ZNF536: variants seen among roughly 807,000 people sequenced by gnomAD.
The protein encoded by ZNF536 is zinc finger protein 536.
ZNF536 carries 13 observed loss-of-function variants against 84.5 expected under a neutral mutation model. The ratio of observed to expected loss-of-function variants is 0.15; its 90% CI spans 0.10 to 0.24. ZNF536 has a LOEUF of 0.24. Among genes scored for constraint, ZNF536 ranks in the 10% least tolerant of loss-of-function variants. The pLI is 1.00. For synonymous variants in ZNF536, 811 were observed against 742.5 expected (o/e 1.09, Z -1.50); for missense variants, 1,536 against 1,747.5 (o/e 0.88, Z 2.16).
chr19:30,702,415 C>A (rs1299614607), intron 1 of ZNF536, among the ~76,000 whole-genome samples: 2 of 152,204 alleles, frequency 1.3e-5, no homozygotes, highest in East Asian at 3.9e-4. Flanking sequence ...ATGTTGATGG[C>A]CTCAAAGTGA....
At chr19:30,435,091 T>G (rs1471464912) in intron 1 of ZNF536, among the ~76,000 whole-genome samples, 2 of 145,550 alleles carry the variant, frequency 1.4e-5, no homozygotes, top group African/African-American at 5.2e-5. Context: ...ATGATGATGA[T>G]CATGATGGTG....
At chr19:30,348,203 T>C (rs1483496298) in intron 2 of ZNF536, among the ~76,000 whole-genome samples, 1 of 152,254 alleles carries the variant, frequency 6.6e-6, no homozygotes, top group African/African-American at 2.4e-5. Context: ...TATGCATTTG[T>C]TAGTTCCTTC....
chr19:30,336,982 G>A (rs752634153), intron 2 of ZNF536, among the ~76,000 whole-genome samples: 7 of 152,060 alleles, frequency 4.6e-5, no homozygotes, highest in African/African-American at 9.7e-5. Flanking sequence ...GGTCTCAGCC[G>A]TGAGAACTCA....
chr19:30,689,606 G>C (rs1004227683), intron 1 of ZNF536, among the ~76,000 whole-genome samples: 5 of 152,210 alleles, frequency 3.3e-5, no homozygotes, highest in Admixed American at 6.5e-5. Flanking sequence ...CCCTCTCAAA[G>C]GTACATGGCC....
intron 1 of ZNF536, among the ~76,000 whole-genome samples, chr19:30,645,800 G>T (rs1419022233): frequency 6.6e-6 from 1 of 152,238 alleles, no homozygotes; most frequent in East Asian, 1.9e-4. Flanking sequence ...CCACCCTGCA[G>T]CAGGGAGCTT....
At chr19:30,492,656 C>T (rs952338523) in intron 2 of ZNF536, among the ~76,000 whole-genome samples, 1 of 152,182 alleles carries the variant, frequency 6.6e-6, no homozygotes, top group African/African-American at 2.4e-5. Context: ...AACGTATCCA[C>T]GAGACCACTG....
intron 2 of ZNF536, among the ~76,000 whole-genome samples, chr19:30,458,924 G>A (rs1435705108): frequency 6.6e-6 from 1 of 152,208 alleles, no homozygotes; most frequent in Non-Finnish European, 1.5e-5. Context: ...GAGGGGCACT[G>A]CCAGGGCCCC....
At chr19:30,264,784 C>T (rs1192759264) in intron 1 of ZNF536, among the ~76,000 whole-genome samples, 1 of 152,040 alleles carries the variant, frequency 6.6e-6, no homozygotes, top group African/African-American at 2.4e-5. Context: ...TATTTTAAAC[C>T]TTGATTTTTG....
At chr19:30,229,768 G>A (rs1021921201) in intron 1 of ZNF536, among the ~76,000 whole-genome samples, 1 of 152,132 alleles carries the variant, frequency 6.6e-6, no homozygotes, top group Non-Finnish European at 1.5e-5. Context: ...TAGCACTGAC[G>A]TCCTGCTCCC....
intron 1 of ZNF536, among the ~76,000 whole-genome samples, chr19:30,429,477 AG>A (rs2147952889): frequency 6.6e-6 from 1 of 152,266 alleles, no homozygotes; most frequent in East Asian, 1.9e-4. Context: ...ACTCTAGGGA[AG>A]GGAGTGGCAG....
At chr19:30,637,844 C>CT (rs1379857951) in intron 1 of ZNF536, among the ~76,000 whole-genome samples, 7 of 152,096 alleles carry the variant, frequency 4.6e-5, no homozygotes, top group Non-Finnish European at 8.8e-5. Flanking sequence ...AAGACTGTGT[C>CT]TTTTTTTTAT....
intron 1 of ZNF536, among the ~76,000 whole-genome samples, chr19:30,260,104 T>A (rs766527924): frequency 6.6e-6 from 1 of 152,108 alleles, no homozygotes; most frequent in Non-Finnish European, 1.5e-5. Flanking sequence ...AGAGATCATT[T>A]ATTGGGGTTT....
At chr19:30,503,573 A>G (rs1303044951) in intron 2 of ZNF536, among the ~76,000 whole-genome samples, 1 of 152,254 alleles carries the variant, frequency 6.6e-6, no homozygotes, top group African/African-American at 2.4e-5. Flanking sequence ...TCTTTTGTGC[A>G]AAAATAGAAA....
downstream of ZNF536, among the ~76,000 whole-genome samples, chr19:30,561,632 G>A (rs1057428654): frequency 2.0e-5 from 3 of 152,184 alleles, no homozygotes; most frequent in African/African-American, 7.2e-5. Context: ...CAGGACCATG[G>A]GGGCTCAGCC....
chr19:30,501,617 T>C (rs183849279), intron 2 of ZNF536, among the ~76,000 whole-genome samples: 130 of 152,306 alleles, frequency 8.5e-4, no homozygotes, highest in African/African-American at 2.8e-3. Context: ...TGTTCGCAGA[T>C]CTTGCTTCAT....
At position 30,459,143 on chromosome 19, in the gene ZNF536, G is replaced by A. The variant is rs200256259; in HGVS notation, c.2170+13411G>A. On this transcript the variant is annotated intron_variant, in intron 2 of 4. Coordinates refer to ENST00000355537, the MANE Select transcript of ZNF536 (RefSeq NM_014717.3). ...GCTCAATAGACGTCATCTGTTATGA[G>A]GTTTATTTCTACGCTATACAATACA... is the stretch of plus-strand genomic sequence containing the variant. Among the ~76,000 whole-genome samples, 5 of 152,180 alleles carry A rather than the reference G, an allele frequency of 3.3e-5. No individual in the cohort carries two copies. The East Asian group carries it at 9.7e-4, about 30-fold the overall frequency.
In ZNF536 at chr19:30,511,411, G is replaced by A. The variant is rs2055409526; in HGVS notation, c.2171-23436G>A. On this transcript the variant is annotated intron_variant, in intron 2 of 4. Coordinates refer to ENST00000355537, the MANE Select transcript of ZNF536 (RefSeq NM_014717.3). ...TTCAGGTTCATGAATTCCTGATGAG[G>A]CAGAGACTAACAGTATATTTTGATA... Among the ~76,000 whole-genome samples the A allele has an allele frequency of 2.0e-5, 3 of 152,140 alleles. No homozygotes were observed. In the South Asian group the frequency reaches 6.2e-4, roughly 32 times the overall value.
chr19:30,693,328 GT>G (rs34030344), intron 1 of ZNF536, among the ~76,000 whole-genome samples: 7,242 of 152,188 alleles, frequency 0.048, 226 homozygotes, highest in East Asian at 0.13. Context: ...ATGCTGTGAG[GT>G]TTTTTTCCCC....
chr19:30,314,378 C>T (rs552950213), intron 2 of ZNF536, among the ~76,000 whole-genome samples: 7 of 152,194 alleles, frequency 4.6e-5, no homozygotes, highest in Admixed American at 2.0e-4. Context: ...TGCCCCTCGT[C>T]GAGACAGCTC....
Sources: allele counts gnomAD v4.1 joint callset (sites outside exome capture counted in the v4.1 genomes callset), GRCh38; gene constraint gnomAD v4.1.1; transcripts MANE v1.5; gene names NCBI Gene and HGNC (gene_info 2026-07-23, HGNC 2026-07-21).